The following INTS7 variants were observed in gnomAD, a reference collection of about 807,000 sequenced individuals.
INTS7 encodes the protein integrator complex subunit 7, also known as chromosome 1 open reading frame 73.
INTS7 carries 46 observed loss-of-function variants against 109.2 expected under a neutral mutation model. That is an observed-to-expected ratio of 0.42 (90% CI 0.33 to 0.54). The LOEUF is 0.54. Ranked by LOEUF, INTS7 falls within the 20% of genes least tolerant of loss-of-function variation. The pLI, the probability that INTS7 is intolerant of heterozygous loss-of-function variation, is 0.07. For synonymous variants in INTS7, 412 were observed against 402.9 expected (o/e 1.02, Z -0.27); for missense variants, 929 against 1,132.4 (o/e 0.82, Z 2.58).
At chr1:211,985,956 A>G (rs541091707) in intron 8 of INTS7, among the ~76,000 whole-genome samples, 1 of 152,322 alleles carries the variant, frequency 6.6e-6, no homozygotes, top group East Asian at 1.9e-4. Flanking sequence ...GGTATATGGT[A>G]CGTTGTTTAT....
intron 8 of INTS7, among the ~76,000 whole-genome samples, chr1:211,985,871 T>C (rs1471187241): frequency 6.6e-6 from 1 of 152,186 alleles, no homozygotes; most frequent in Non-Finnish European, 1.5e-5. Flanking sequence ...GCAATGTTGG[T>C]GAAGGATGTT....
chr1:211,972,815 C>G (rs991187340), intron 13 of INTS7, among the ~76,000 whole-genome samples: 3 of 152,178 alleles, frequency 2.0e-5, no homozygotes, highest in African/African-American at 7.2e-5. Flanking sequence ...CAAGGAAATA[C>G]ATTCTGCAAC....
rs1665977827 is a variant in INTS7, at chr1:212,007,400, C to T, written c.606G>A (p.Gln202=). The T allele has an allele frequency of 6.2e-7, 1 of 1,613,934 alleles. No homozygotes were observed. Residue 202 remains glutamine (Q), a synonymous_variant, in exon 6 of 20, where the codon CAG becomes CAA. Transcript: ENST00000366994. ...CCAAGATTGCATCATGGTGCATGTG[C>T]TGTAGAATGGGTATCAATTTTAGCT... ...DLKLKLIPIL[Q]HMHHDAILAS... is the part of the protein sequence containing the mutation.
intron 13 of INTS7, among the ~76,000 whole-genome samples, chr1:211,969,551 C>CT (rs36104773): frequency 0.037 from 3,148 of 84,978 alleles, 80 homozygotes; most frequent in South Asian, 0.045. Context: ...TTTTTCTTTT[C>CT]TTTTTTTTTT....
At chr1:211,986,139 C>T (rs1664884364) in intron 8 of INTS7, among the ~76,000 whole-genome samples, 1 of 152,114 alleles carries the variant, frequency 6.6e-6, no homozygotes, top group African/African-American at 2.4e-5. Flanking sequence ...CTCCAACCAA[C>T]ATCCTGAAAA....
chr1:212,032,611 G>T (rs1432586271), intron 1 of INTS7, among the ~76,000 whole-genome samples: 1 of 151,938 alleles, frequency 6.6e-6, no homozygotes, highest in Non-Finnish European at 1.5e-5. Context: ...CAAGTAGCTG[G>T]AACTACAGGT....
chr1:212,015,611 T>G (rs1335567497), intron 4 of INTS7, among the ~76,000 whole-genome samples: 2 of 145,936 alleles, frequency 1.4e-5, no homozygotes, highest in Non-Finnish European at 3.0e-5. Context: ...CCACAGACCC[T>G]TGTTCACATG....
At chr1:211,956,269 A>C (rs1477426615) in intron 16 of INTS7, among the ~76,000 whole-genome samples, 1 of 152,208 alleles carries the variant, frequency 6.6e-6, no homozygotes, top group Non-Finnish European at 1.5e-5. Context: ...ACATTGTCTT[A>C]GTTACTGTAG....
intron 4 of INTS7, among the ~76,000 whole-genome samples, chr1:212,012,267 G>T (rs150115193): frequency 3.9e-5 from 6 of 151,956 alleles, no homozygotes; most frequent in African/African-American, 7.3e-5. Flanking sequence ...TAGGAGATTG[G>T]GGGGGGAGGG....
rs79224862 is a variant in INTS7, at chr1:211,998,535, T to C, written c.879+8104A>G. 2.4e-4 allele frequency among the ~76,000 whole-genome samples: 37 copies of C among 152,324 alleles called. No homozygotes were observed. The East Asian group carries it at 6.9e-3, about 29-fold the overall frequency. On this transcript the variant is annotated intron_variant, in intron 7 of 19. Coordinates refer to ENST00000366994, the MANE Select transcript of INTS7 (RefSeq NM_015434.4). ...GCACCTTGATGCCTACCTTGTACCA[T>C]ACACAAAAGTCAACTCAAAATGGAT...
chr1:211,955,611 TA>T (rs1663327231), intron 16 of INTS7, among the ~76,000 whole-genome samples: 1 of 152,208 alleles, frequency 6.6e-6, no homozygotes, highest in African/African-American at 2.4e-5. Context: ...ACAATGTAGG[TA>T]ATTTAAATAT....
rs1662656458 is a variant in INTS7, at chr1:211,942,072, C to A, written c.2641G>T (p.Val881Phe). ...CTGAAGTAATCATTATGAGGTTCAA[C>A]CCTTTGCTCCATCTCATTGGTCATG... Reference protein sequence around the residue: ...DNMTNEMEQRVEPHNDYFSTQ... With the variant: ...DNMTNEMEQRFEPHNDYFSTQ... The change falls in exon 20 of 20, where the codon GTT becomes TTT. Residue 881 changes from valine (V) to phenylalanine (F), a missense_variant. Around this residue, in one of 2 missense-constraint regions of INTS7, gnomAD observed 787 missense variants for 901.1 expected, o/e 0.87. Transcript: ENST00000366994. This position sits in a 1 kb window ranked among gnomAD's most constrained non-coding sequence, Gnocchi z 4.2. 1 of 1,614,144 alleles carries A rather than the reference C, an allele frequency of 6.2e-7. No individual in the cohort carries two copies. Among genetic ancestry groups the A allele is most frequent in the Non-Finnish European group, 8.5e-7 (1 of 1,179,996 alleles).
chr1:212,022,689 T>A (rs1666760120), intron 1 of INTS7, among the ~76,000 whole-genome samples: 1 of 152,192 alleles, frequency 6.6e-6, no homozygotes, highest in Non-Finnish European at 1.5e-5. Context: ...ACCTTGTTAG[T>A]GGGAATGTAA....
chr1:211,961,267 G>T (rs1248681415), intron 16 of INTS7, among the ~76,000 whole-genome samples: 1 of 151,404 alleles, frequency 6.6e-6, no homozygotes, highest in Admixed American at 6.6e-5. Context: ...GGTCATCCTC[G>T]AGACATATAA....
At chr1:211,965,749 T>C (rs1479988655) in intron 16 of INTS7, among the ~76,000 whole-genome samples, 1 of 151,910 alleles carries the variant, frequency 6.6e-6, no homozygotes, top group Non-Finnish European at 1.5e-5. Flanking sequence ...AATGATAACA[T>C]ATGGAAACAT....
intron 10 of INTS7, among the ~76,000 whole-genome samples, chr1:211,980,576 T>C (rs1029545932): frequency 1.1e-4 from 16 of 152,078 alleles, no homozygotes; most frequent in African/African-American, 3.6e-4. Flanking sequence ...GCTAGGACTA[T>C]AGGTGTGCCC....
chr1:212,030,916 T>A (rs1279902104), intron 1 of INTS7: 2 of 152,236 alleles, frequency 1.3e-5, no homozygotes, highest in East Asian at 3.8e-4. Context: ...TCAGGTATTT[T>A]GGAATACAGG....
intron 1 of INTS7, among the ~76,000 whole-genome samples, chr1:212,027,089 C>A (rs565929075): frequency 6.6e-6 from 1 of 152,320 alleles, no homozygotes; most frequent in Non-Finnish European, 1.5e-5. Flanking sequence ...TATTAAACCT[C>A]TTCTGTATTT....
chr1:211,994,780 C>G (rs1571885640), intron 7 of INTS7, among the ~76,000 whole-genome samples: 1 of 146,352 alleles, frequency 6.8e-6, no homozygotes, highest in South Asian at 2.1e-4. Context: ...AAAGTATGTT[C>G]AATTAAAAAA....
Sources: allele counts gnomAD v4.1 joint callset (sites outside exome capture counted in the v4.1 genomes callset), GRCh38; gene constraint gnomAD v4.1.1; regional missense constraint gnomAD v4.1.1; non-coding constraint Gnocchi (gnomAD v3.1); transcripts MANE v1.5; gene names NCBI Gene and HGNC (gene_info 2026-07-23, HGNC 2026-07-21).